The following TTN variants were observed in gnomAD, a reference collection of about 807,000 sequenced individuals.
TTN encodes the protein titin.
A neutral mutation model predicts 3,223.0 loss-of-function variants in TTN; 1,525 were observed. The ratio of observed to expected loss-of-function variants is 0.47; its 90% CI spans 0.45 to 0.49. The LOEUF (loss-of-function observed/expected upper bound fraction) is 0.49, where lower values mean the gene tolerates loss of function less well. Among genes scored for constraint, TTN ranks in the 20% least tolerant of loss-of-function variants. The probability of loss-of-function intolerance (pLI) is 0.00; values close to 1 mark genes in which losing one functional copy is unlikely to be tolerated. For missense variants in TTN, 40,786 were observed against 43,424.0 expected (o/e 0.94, Z 5.40); for synonymous variants, 14,094 against 15,161.0 (o/e 0.93, Z 5.17).
Position 178,757,759 on chromosome 2 carries a change from C to A in TTN, c.10461G>T (p.Arg3487Ser). 1 of 1,613,760 alleles carries A rather than the reference C, an allele frequency of 6.2e-7. No individual in the cohort carries two copies. The highest frequency in any genetic ancestry group is 8.5e-7 in the Non-Finnish European group (1 of 1,179,760). The change falls in exon 45 of 363, where the codon AGG (arginine) becomes AGT (serine). Residue 3487 changes from arginine (R) to serine (S), a missense_variant. Arg to Ser is a moderately radical substitution (Grantham distance 110). Coordinates refer to ENST00000589042, the MANE Select transcript of TTN (RefSeq NM_001267550.2). ...TTTCTGGCTTGGGAATGCCAGAAAC[C>A]CTCGCATGAAATCTGACTGTCTCCC... The part of the protein sequence containing the change: ...HNGETVRFHA[R>S]VSGIPKPEIQ...
chr2:178,805,062 G>A (rs552332878), intron 1 of TTN, among the ~76,000 whole-genome samples: 1 of 152,258 alleles, frequency 6.6e-6, no homozygotes, highest in Admixed American at 6.5e-5. Flanking sequence ...AAACCTCTGG[G>A]CCTGGCGTGG....
rs769913782 is a variant in TTN, at chr2:178,705,205, T to C, written c.29573A>G (p.Lys9858Arg). The C allele has an allele frequency of 1.2e-6, 2 of 1,613,750 alleles. No individual in the cohort carries two copies. The highest frequency in any genetic ancestry group is 1.7e-6 in the Non-Finnish European group (2 of 1,179,742). ...RGLLQAFELL[K>R]QSQEEETHRL... The stretch of plus-strand genomic sequence containing the variant: ...ATGTGTCTCTTCTTCTTGGCTTTGC[T>C]TGAGCAGTTCAAATGCTTGAAGAAG... Residue 9858 changes from lysine (K) to arginine (R), a missense_variant, in exon 103 of 363, where the codon AAG (lysine) becomes AGG (arginine). Lys to Arg is a conservative substitution (Grantham distance 26, BLOSUM62 2). Coordinates refer to ENST00000589042, the MANE Select transcript of TTN (RefSeq NM_001267550.2).
At chr2:178,794,358 G>C (rs1443629562) in intron 8 of TTN, 41 bp downstream of exon 8, 19 of 1,612,870 alleles carry the variant, frequency 1.2e-5, no homozygotes, top group Non-Finnish European at 1.6e-5. Flanking sequence ...TGCACTGAAG[G>C]ACGTGGCTCT....
chr2:178,700,535 G>A (rs934360007), intron 111 of TTN, among the ~76,000 whole-genome samples: 5 of 152,192 alleles, frequency 3.3e-5, no homozygotes, highest in African/African-American at 9.7e-5. Flanking sequence ...TAGTTGAGAA[G>A]CTTTGGGACA....
At chr2:178,600,410 C>CATATATATATATATATATAT (rs10684593) in intron 288 of TTN, 2 of 142,172 alleles carry the variant, frequency 1.4e-5, no homozygotes, top group South Asian at 1.9e-4. Flanking sequence ...GAATTATTAC[C>CATATATATATATATATATAT]ATATATATAT....
In TTN at chr2:178,717,998, G is replaced by A. The variant is rs116378128; in HGVS notation, c.25008C>T (p.Cys8336=). The A allele has an allele frequency of 7.5e-4, 1,211 of 1,613,766 alleles. 10 individuals carry two copies. The African/African-American group carries it at 0.014, about 19-fold the overall frequency. The part of the protein sequence containing the change: ...VDHSDVGEYS[C]KADNSVGAVA... ...CTGCCCCCACACTGTTGTCTGCCTT[G>A]CATGAATACTCTCCCACATCACTGT... The change falls in exon 86 of 363, where the codon TGC becomes TGT. Residue 8336 remains cysteine (C), a synonymous_variant. Transcript: ENST00000589042.
rs573355547 is a variant in TTN, at chr2:178,572,244, T to C, written c.73888A>G (p.Arg24630Gly). The C allele has an allele frequency of 4.3e-6, 7 of 1,613,390 alleles. No individual in the cohort carries two copies. The East Asian group carries it at 1.3e-4, about 31-fold the overall frequency. The change falls in exon 326 of 363, where the codon AGA (arginine) becomes GGA (glycine). Residue 24630 changes from arginine to glycine, a missense_variant. By Grantham distance (125) the Arg-to-Gly change is moderately radical (BLOSUM62 -2). Transcript: ENST00000589042. ...TCCCAAGAGAGTGACACACTATTTC[T>C]TGTGACATCCATCAAAGTTATTTTT... Reference protein sequence around the residue: ...PGKITLMDVTRNSVSLSWEKP... With the variant: ...PGKITLMDVTGNSVSLSWEKP...
rs1704573863 is a variant in TTN, at chr2:178,563,732, T to C, written c.82400A>G (p.Tyr27467Cys). Residue 27467 changes from tyrosine (Y) to cysteine (C), a missense_variant, in exon 326 of 363, where the codon TAT (tyrosine) becomes TGT (cysteine). Coordinates refer to ENST00000589042, the MANE Select transcript of TTN (RefSeq NM_001267550.2). The surrounding 1 kb of genome is among the most constrained non-coding windows in gnomAD (Gnocchi z 4.5). ...TGTTGAGGGAGGACCTGGTGGCTTA[T>C]AAGGATTACAGGCCGTAACAGGCCC... is the stretch of plus-strand genomic sequence containing the variant. ...ESGPVTACNP[Y>C]KPPGPPSTPE... The C allele has an allele frequency of 6.2e-7, 1 of 1,613,634 alleles. No individual in the cohort carries two copies. Among genetic ancestry groups the C allele is most frequent in the African/African-American group, 1.3e-5 (1 of 74,898 alleles).
Position 178,550,234 on chromosome 2 carries a change from C to A in TTN, c.91604G>T (p.Gly30535Val), listed in dbSNP as rs374896493. The change falls in exon 337 of 363, where the codon GGT becomes GTT. Residue 30535 changes from glycine (G) to valine (V), a missense_variant. By Grantham distance (109) the Gly-to-Val change is moderately radical. Transcript: ENST00000589042. ...IVEFGPEYFD[G>V]LIIKSGESLR... ...GCTCTCTCCGGACTTAATAATGAGACCATCAAAGTATTCAGGGCCAAACTC... is the reference window on the plus strand; with the variant it reads ...GCTCTCTCCGGACTTAATAATGAGAACATCAAAGTATTCAGGGCCAAACTC... 1.2e-6 allele frequency: 2 copies of A among 1,613,012 alleles called. No individual in the cohort carries two copies. The highest frequency in any genetic ancestry group is 1.7e-6 in the Non-Finnish European group (2 of 1,179,492).
At chr2:178,743,123 A>G (rs961973051) in intron 47 of TTN, among the ~76,000 whole-genome samples, 1 of 152,032 alleles carries the variant, frequency 6.6e-6, no homozygotes, top group African/African-American at 2.4e-5. Context: ...GTGAATGTGA[A>G]TACAGTTAAA....
chr2:178,545,939 G>A lies in TTN; in HGVS notation c.95297C>T (p.Ser31766Phe), dbSNP rs191484894. Residue 31766 changes from serine (S) to phenylalanine (F), a missense_variant, in exon 343 of 363, where the codon TCC becomes TTC. Coordinates refer to ENST00000589042, the MANE Select transcript of TTN (RefSeq NM_001267550.2). ...CTTGATGAGCCTGGTAACGACATAGGATAGGGTTGGGCATTCGCCTTCAAC... is the reference window on the plus strand; with the variant it reads ...CTTGATGAGCCTGGTAACGACATAGAATAGGGTTGGGCATTCGCCTTCAAC... The part of the protein sequence containing the change: ...VIVEGECPTL[S>F]YVVTRLIKNN... 2.2e-3 allele frequency: 3,503 copies of A among 1,613,864 alleles called. 52 individuals are homozygous for A. The highest frequency in any genetic ancestry group is 0.021 in the South Asian group (1,929 of 91,082).
chr2:178,645,313 C>A (rs1019580726), intron 217 of TTN: 7 of 151,854 alleles, frequency 4.6e-5, no homozygotes, highest in Admixed American at 1.3e-4. Flanking sequence ...GTCTTCATAA[C>A]CACTCTTTCC....
chr2:178,744,229 G>A (rs2083022674), intron 47 of TTN, among the ~76,000 whole-genome samples: 1 of 151,882 alleles, frequency 6.6e-6, no homozygotes, highest in African/African-American at 2.4e-5. Flanking sequence ...AGTAATTTAA[G>A]AGGTGGAGGG....
At chr2:178,712,252 A>C in intron 95 of TTN, 30 bp from the exon 96 acceptor site, 4 of 1,610,100 alleles carry the variant, frequency 2.5e-6, no homozygotes, top group Non-Finnish European at 3.4e-6. Flanking sequence ...TCAATCAGTC[A>C]TGAAGGAGAC....
rs143235311 is a variant in TTN, at chr2:178,675,389, T to C, written c.34538-276A>G. Reference sequence around the variant, plus strand: ...TTTTTTTTGTAGGAAGAAATGGGTATGAAGAAATGGGTATTTCAGGGACTA... The same window carrying C: ...TTTTTTTTGTAGGAAGAAATGGGTACGAAGAAATGGGTATTTCAGGGACTA... On this transcript the variant is annotated intron_variant, in intron 149 of 362. Coordinates refer to ENST00000589042, the MANE Select transcript of TTN (RefSeq NM_001267550.2). 1.7e-3 allele frequency: 657 copies of C among 387,326 alleles called. 4 individuals carry two copies. The South Asian group carries it at 0.018, about 11-fold the overall frequency. 24.0% of individuals were successfully genotyped at this position (387,326 alleles called of 1,614,324 possible).
chr2:178,749,827 T>C (rs1304277832), intron 47 of TTN: 7 of 1,613,046 alleles, frequency 4.3e-6, no homozygotes, highest in Non-Finnish European at 5.9e-6. Context: ...TTTGAAACCA[T>C]GTTACAACTG....
In TTN at chr2:178,582,466, T is replaced by C; in HGVS notation, c.65990A>G (p.Glu21997Gly). 2 of 1,612,992 alleles carry C rather than the reference T, an allele frequency of 1.2e-6. No individual in the cohort carries two copies. The highest frequency in any genetic ancestry group is 1.7e-6 in the Non-Finnish European group (2 of 1,179,370). Residue 21997 changes from glutamate (E) to glycine (G), a missense_variant, in exon 314 of 363, where the codon GAA becomes GGA. By Grantham distance (98) the Glu-to-Gly change is moderately conservative. Transcript: ENST00000589042. ...TTGAGCCCAGTTGGGCCTGCTTGTT[T>C]CACGTTTGTCAACAATATAGTTGGT... ...EITNYIVDKR[E>G]TSRPNWAQVS...
chr2:178,685,701 T>C (rs1240960489), intron 127 of TTN, 103 bp from the exon 128 acceptor site: 3 of 1,152,746 alleles, frequency 2.6e-6, no homozygotes, highest in Non-Finnish European at 2.5e-6. Flanking sequence ...AGCAAAAGTT[T>C]AACCCTTGCC....
Position 178,630,924 on chromosome 2 carries a change from C to T in TTN, c.44034G>A (p.Val14678=), listed in dbSNP as rs1163250616. ...TCACCTCCACACTGTGCAGGGGTCG[C>T]ACCAGTTTAATTTCCCGATCTAGAA... ...LDIEDREIKL[V]RPLHSVEVME... is the part of the protein sequence containing the mutation. The change falls in exon 238 of 363, where the codon GTG becomes GTA. Residue 14678 remains valine, a synonymous_variant. Coordinates refer to ENST00000589042, the MANE Select transcript of TTN (RefSeq NM_001267550.2). The T allele has an allele frequency of 6.2e-7, 1 of 1,611,680 alleles. No homozygotes were observed. The highest frequency in any genetic ancestry group is 2.2e-5 in the East Asian group (1 of 44,684).
Sources: allele counts gnomAD v4.1 joint callset (sites outside exome capture counted in the v4.1 genomes callset), GRCh38; gene constraint gnomAD v4.1.1; non-coding constraint Gnocchi (gnomAD v3.1); transcripts MANE v1.5; gene names NCBI Gene and HGNC (gene_info 2026-07-23, HGNC 2026-07-21).